Variants in SYNJ2 observed in about 807,000 individuals in gnomAD.
SYNJ2 encodes synaptojanin 2, also known as polyphosphatidylinositol phosphatase SYNJ2.
Under a neutral mutation model 141.3 loss-of-function variants are expected in SYNJ2, and 116 were observed. That is an observed-to-expected ratio of 0.82 (90% confidence interval 0.71 to 0.96). The LOEUF (loss-of-function observed/expected upper bound fraction) is 0.96, where lower values mean the gene tolerates loss of function less well. Ranked by LOEUF, SYNJ2 falls within the 40% of genes least tolerant of loss-of-function variation. SYNJ2 has a pLI of 0.00. For missense variants in SYNJ2, 1,873 were observed against 1,934.8 expected (o/e 0.97, Z 0.60); for synonymous variants, 745 against 777.7 (o/e 0.96, Z 0.70).
rs1224227991 is a variant in SYNJ2, at chr6:157,982,167, C to T, written c.127+79C>T. 4 of 1,251,810 alleles carry T rather than the reference C, an allele frequency of 3.2e-6. No homozygotes were observed. Among genetic ancestry groups the T allele is most frequent in the Non-Finnish European group, 3.0e-6 (3 of 997,228 alleles). 77.5% of individuals were successfully genotyped at this position (1,251,810 alleles called of 1,614,324 possible). On this transcript the variant is annotated intron_variant, in intron 1 of 26. Transcript: ENST00000355585. This position sits in a 1 kb window ranked among gnomAD's most constrained non-coding sequence, Gnocchi z 4.0. The stretch of plus-strand genomic sequence containing the variant: ...CCAGCCTCGGGAAGACGGGTACCCC[C>T]CCTTCCCGAGGGGATCGGGCGGCGC...
At chr6:158,093,388 A>G in intron 26 of SYNJ2, among the ~76,000 whole-genome samples, 1 of 151,408 alleles carries the variant, frequency 6.6e-6, no homozygotes, top group Admixed American at 6.6e-5. Flanking sequence ...GTGAGCCGAA[A>G]TCGTGCCACT....
intron 4 of SYNJ2, among the ~76,000 whole-genome samples, chr6:158,034,469 C>T (rs373252413): frequency 6.6e-6 from 1 of 152,204 alleles, no homozygotes; most frequent in African/African-American, 2.4e-5. Flanking sequence ...CTTATGCGGA[C>T]TTTGGCCACT....
intron 1 of SYNJ2, among the ~76,000 whole-genome samples, chr6:157,998,579 G>A (rs566871186): frequency 6.6e-6 from 1 of 152,324 alleles, no homozygotes; most frequent in East Asian, 1.9e-4. Context: ...TGGACACTAA[G>A]TGAGAGTCCT....
intron 5 of SYNJ2, 121 bp from the exon 6 acceptor site, chr6:158,054,846 A>G: frequency 2.2e-6 from 2 of 917,720 alleles, no homozygotes; most frequent in Non-Finnish European, 1.7e-6. Context: ...GAGACCACAG[A>G]GGTGGCCTAG....
intron 5 of SYNJ2, among the ~76,000 whole-genome samples, chr6:158,045,242 G>C (rs1242335679): frequency 6.6e-6 from 1 of 151,714 alleles, no homozygotes; most frequent in Non-Finnish European, 1.5e-5. Flanking sequence ...AGAGTAGCTG[G>C]GACTACAGGT....
intron 4 of SYNJ2, among the ~76,000 whole-genome samples, chr6:158,035,959 A>C (rs1779613416): frequency 6.7e-6 from 1 of 148,934 alleles, no homozygotes; most frequent in Non-Finnish European, 1.5e-5. Flanking sequence ...ACTTAAACAA[A>C]TTTCCAAGAA....
At chr6:157,993,931 C>G (rs1777550378) in intron 1 of SYNJ2, among the ~76,000 whole-genome samples, 1 of 149,790 alleles carries the variant, frequency 6.7e-6, no homozygotes, top group Non-Finnish European at 1.5e-5. Context: ...TCTCCTGCCT[C>G]AGCCTCCCGA....
At chr6:157,993,054 A>G (rs909524208) in intron 1 of SYNJ2, among the ~76,000 whole-genome samples, 1 of 152,248 alleles carries the variant, frequency 6.6e-6, no homozygotes, top group African/African-American at 2.4e-5. Context: ...CATATAGTAC[A>G]TATAGTACAT....
At chr6:157,996,312 T>C (rs987346631) in intron 1 of SYNJ2, among the ~76,000 whole-genome samples, 4 of 152,030 alleles carry the variant, frequency 2.6e-5, no homozygotes, top group African/African-American at 9.6e-5. Context: ...AGTCCCCCGG[T>C]CATCGCTGCT....
At chr6:157,987,827 A>C (rs951398097) in intron 1 of SYNJ2, among the ~76,000 whole-genome samples, 2 of 152,276 alleles carry the variant, frequency 1.3e-5, no homozygotes, top group African/African-American at 4.8e-5. Flanking sequence ...TCGTGTGGCC[A>C]GCAGCAGAAA....
chr6:158,088,102 G>A (rs1264206131), intron 23 of SYNJ2, among the ~76,000 whole-genome samples: 3 of 122,012 alleles, frequency 2.5e-5, no homozygotes, highest in Admixed American at 1.1e-4. Flanking sequence ...TCTGTCCCCC[G>A]GGCTGGAGTG....
rs1255909603 is a variant in SYNJ2, at chr6:158,099,035, A to G, written c.*2671A>G. The G allele has an allele frequency of 6.6e-6, 1 of 152,228 alleles. No individual in the cohort carries two copies. The highest frequency in any genetic ancestry group is 1.5e-5 in the Non-Finnish European group (1 of 68,048). 9.4% of individuals were successfully genotyped at this position (152,228 alleles called of 1,614,324 possible). ...TAATGTATCAAAGCGTTCACTTTAT[A>G]ATGAAGTCATTTCATTGGGAAGGAA... On this transcript the variant is annotated 3_prime_UTR_variant, in exon 27 of 27. Coordinates refer to ENST00000355585, the MANE Select transcript of SYNJ2 (RefSeq NM_003898.4).
chr6:157,988,802 A>G (rs1054888890), intron 1 of SYNJ2, among the ~76,000 whole-genome samples: 6 of 151,938 alleles, frequency 3.9e-5, no homozygotes, highest in Admixed American at 1.3e-4. Context: ...TCGAGGTGAA[A>G]ACCAAATTGG....
At chr6:158,057,053 TCTC>T (rs927009023) in intron 6 of SYNJ2, among the ~76,000 whole-genome samples, 1 of 151,820 alleles carries the variant, frequency 6.6e-6, no homozygotes, top group African/African-American at 2.4e-5. Context: ...GTGAACCCCT[TCTC>T]CTTCCCCGCC....
Position 158,066,529 on chromosome 6 carries a change from G to A in SYNJ2, c.1611G>A (p.Trp537Ter). ...FKRIRIAMGT[W>*]NVNGGKQFRS... ...GGATCCGGATTGCTATGGGGACCTG[G>A]AACGTGAACGGAGGAAAGCAGTTCC... is the stretch of plus-strand genomic sequence containing the variant. The change falls in exon 12 of 27, where the codon TGG (tryptophan) becomes TGA (stop). Residue 537 changes from tryptophan to a stop codon, truncating the protein, a stop_gained. Coordinates refer to ENST00000355585, the MANE Select transcript of SYNJ2 (RefSeq NM_003898.4). LOFTEE classifies it high-confidence loss of function. The A allele has an allele frequency of 6.2e-7, 1 of 1,614,206 alleles. No homozygotes were observed.
rs751522733 is a variant in SYNJ2 at position 158,070,281 on chromosome 6, C to T, written c.1940+608C>T. 3 of 985,366 alleles carry T rather than the reference C, an allele frequency of 3.0e-6. No individual in the cohort carries two copies. Among genetic ancestry groups the T allele is most frequent in the Non-Finnish European group, 2.4e-6 (2 of 830,036 alleles). 61.0% of individuals were successfully genotyped at this position (985,366 alleles called of 1,614,324 possible). On this transcript the variant is annotated intron_variant, in intron 14 of 26. Transcript: ENST00000355585. The surrounding 1 kb of genome is among the most constrained non-coding windows in gnomAD (Gnocchi z 4.0). ...GGCTTTTGAATTTCCACCAGCCTTT[C>T]GGCGAGCTGGCAGCAGGCGTTGAAC...
chr6:157,986,564 C>G (rs1416368488), intron 1 of SYNJ2, among the ~76,000 whole-genome samples: 1 of 151,932 alleles, frequency 6.6e-6, no homozygotes, highest in African/African-American at 2.4e-5. Flanking sequence ...AAACTCCTGG[C>G]CCCAAATGAT....
chr6:158,023,013 G>A (rs916228616), intron 2 of SYNJ2, among the ~76,000 whole-genome samples: 2 of 152,130 alleles, frequency 1.3e-5, no homozygotes, highest in Non-Finnish European at 2.9e-5. Context: ...ACCTCAGGGG[G>A]CCGAGGCAGG....
Position 158,092,990 on chromosome 6 carries a change from G to A in SYNJ2, c.3630G>A (p.Glu1210=). ...ACCTTGAAGCATCCTCTGAACCAGAGCCCACACCGGGGGCAGCCAAACCAG... is the reference window on the plus strand; with the variant it reads ...ACCTTGAAGCATCCTCTGAACCAGAACCCACACCGGGGGCAGCCAAACCAG... ...PRDLEASSEP[E]PTPGAAKPET... The change falls in exon 26 of 27, where the codon GAG becomes GAA. Residue 1210 remains glutamate (E), a synonymous_variant. Transcript: ENST00000355585. The A allele has an allele frequency of 3.7e-6, 6 of 1,613,052 alleles. No individual in the cohort carries two copies. Among genetic ancestry groups the A allele is most frequent in the Non-Finnish European group, 5.1e-6 (6 of 1,179,728 alleles).
Sources: gnomAD v4.1 joint callset for allele counts (sites outside exome capture counted in the v4.1 genomes callset) on GRCh38, gnomAD v4.1.1 for gene constraint, Gnocchi (gnomAD v3.1) non-coding constraint, MANE v1.5 for transcripts, NCBI Gene and HGNC (gene_info 2026-07-23, HGNC 2026-07-21) for gene names.